The following DLGAP2 variants were observed in gnomAD, a reference collection of about 807,000 sequenced individuals.
DLGAP2 encodes the protein disks large-associated protein 2.
A neutral mutation model predicts 100.3 loss-of-function variants in DLGAP2; 26 were observed. The ratio of observed to expected loss-of-function variants is 0.26; its 90% confidence interval spans 0.19 to 0.36. The LOEUF is 0.36. Among genes scored for constraint, DLGAP2 ranks in the 10% least tolerant of loss-of-function variants. The probability of loss-of-function intolerance (pLI) is 1.00; values close to 1 mark genes in which losing one functional copy is unlikely to be tolerated. For missense variants in DLGAP2, 1,858 were observed against 1,453.2 expected, an observed-to-expected ratio of 1.28 and a Z score of -4.53; for synonymous variants, 886 against 630.1, an observed-to-expected ratio of 1.41 and a Z score of -6.08.
At chr8:1,381,543 A>G (rs2129766864) in intron 3 of DLGAP2, 1 of 152,338 alleles carries the variant, frequency 6.6e-6, no homozygotes, top group Non-Finnish European at 1.5e-5. Context: ...CCATCCTGTG[A>G]CTTGAATTTA....
chr8:800,756 G>T (rs1796134920), intron 1 of DLGAP2, among the ~76,000 whole-genome samples: 1 of 152,172 alleles, frequency 6.6e-6, no homozygotes, highest in South Asian at 2.1e-4. Context: ...ATGTGTGCAT[G>T]TGTGTGTCTG....
At chr8:938,346 G>A (rs903949478) in intron 2 of DLGAP2, among the ~76,000 whole-genome samples, 3 of 152,110 alleles carry the variant, frequency 2.0e-5, no homozygotes, top group South Asian at 2.1e-4. Context: ...ACAGGTATGC[G>A]CCACCATGCC....
chr8:1,328,275 C>A (rs139737511), intron 3 of DLGAP2, among the ~76,000 whole-genome samples: 2 of 151,802 alleles, frequency 1.3e-5, no homozygotes, highest in African/African-American at 2.4e-5. Context: ...CTCCTGACCT[C>A]GTGATCCACC....
intron 1 of DLGAP2, among the ~76,000 whole-genome samples, chr8:857,925 C>T (rs1053077359): frequency 4.0e-5 from 6 of 151,400 alleles, no homozygotes; most frequent in African/African-American, 1.5e-4. Flanking sequence ...GGCTGGAGTG[C>T]AGTGGTGTGA....
intron 2 of DLGAP2, among the ~76,000 whole-genome samples, chr8:1,031,708 A>G (rs57163777): frequency 0.22 from 32,813 of 152,246 alleles, 4,309 homozygotes; most frequent in Admixed American, 0.29. Context: ...AAAAAAAATA[A>G]TGACCCCTTT....
intron 3 of DLGAP2, among the ~76,000 whole-genome samples, chr8:1,357,330 T>G (rs570112855): frequency 3.6e-4 from 55 of 151,844 alleles, no homozygotes; most frequent in African/African-American, 1.3e-3. Context: ...ATGGCCAGAC[T>G]CATCACACTG....
chr8:1,118,305 A>T lies in DLGAP2; in HGVS notation c.74-140546A>T, dbSNP rs183696795. Among the ~76,000 whole-genome samples, 365 of 152,260 alleles carry T rather than the reference A, an allele frequency of 2.4e-3. 2 individuals carry two copies. The highest frequency in any genetic ancestry group is 8.4e-3 in the African/African-American group (349 of 41,552). On this transcript the variant is annotated intron_variant, in intron 2 of 14. Transcript: ENST00000637795. ...CTGATTCCAGCATCTGCAGCTCTTGACCCCGTAGTGTGTGAGCAGAGACTG... is the reference window on the plus strand; with the variant it reads ...CTGATTCCAGCATCTGCAGCTCTTGTCCCCGTAGTGTGTGAGCAGAGACTG...
chr8:866,200 C>T (rs1004351626), intron 1 of DLGAP2, among the ~76,000 whole-genome samples: 9 of 152,162 alleles, frequency 5.9e-5, no homozygotes, highest in African/African-American at 9.6e-5. Context: ...CCTGACACCC[C>T]GCGCCTGGCC....
chr8:1,408,146 C>G (rs1274266306), intron 3 of DLGAP2, among the ~76,000 whole-genome samples: 3 of 152,246 alleles, frequency 2.0e-5, no homozygotes, highest in African/African-American at 7.2e-5. Context: ...CTGGCTCACT[C>G]TTTCTTTCCA....
At chr8:1,528,114 C>T (rs552998391) in intron 4 of DLGAP2, among the ~76,000 whole-genome samples, 70 of 152,348 alleles carry the variant, frequency 4.6e-4, no homozygotes, top group African/African-American at 1.5e-3. Context: ...GACTGCTGTG[C>T]GGTCCAGGCC....
At chr8:772,981 G>C (rs1249636572) in intron 1 of DLGAP2, among the ~76,000 whole-genome samples, 1 of 152,200 alleles carries the variant, frequency 6.6e-6, no homozygotes. Context: ...GGACCTTCCA[G>C]ATTGTTCTCT....
intron 1 of DLGAP2, among the ~76,000 whole-genome samples, chr8:856,409 A>G (rs1348046783): frequency 6.6e-6 from 1 of 152,058 alleles, no homozygotes; most frequent in Non-Finnish European, 1.5e-5. Flanking sequence ...GCTGATCTCA[A>G]ACTGCTGACC....
At chr8:1,112,243 T>TA in intron 2 of DLGAP2, among the ~76,000 whole-genome samples, 1 of 145,744 alleles carries the variant, frequency 6.9e-6, no homozygotes, top group East Asian at 2.0e-4. Flanking sequence ...GCCCATTTTT[T>TA]TTTTTTTTTT....
rs1326730328 is a variant in DLGAP2 at position 1,449,877 on chromosome 8, T to C, written c.107-51489T>C. ...GAGGGTGAAGACGAGGTGGGCGGCC[T>C]CGGTGGCTGAGGCGGAGCTGTGAGG... On this transcript the variant is annotated intron_variant, in intron 3 of 14. Coordinates refer to ENST00000637795, the MANE Select transcript of DLGAP2 (RefSeq NM_001346810.2). 8.8e-5 allele frequency among the ~76,000 whole-genome samples: 12 copies of C among 136,212 alleles called. No individual in the cohort carries two copies. The South Asian group carries it at 9.6e-4, about 11-fold the overall frequency. The allele number at this position is 136,212 out of a possible 152,430, so 89.4% of individuals were successfully genotyped here. A position where few individuals can be genotyped will look rare whatever the true frequency, so the allele number is the denominator to read the frequency against.
intron 5 of DLGAP2, among the ~76,000 whole-genome samples, chr8:1,557,229 C>A (rs536064462): frequency 6.6e-6 from 1 of 152,130 alleles, no homozygotes; most frequent in Non-Finnish European, 1.5e-5. Flanking sequence ...ATCCAAAGAG[C>A]GTGAGCTTTA....
intron 1 of DLGAP2, among the ~76,000 whole-genome samples, chr8:764,742 C>G (rs1423278367): frequency 2.0e-5 from 3 of 152,210 alleles, no homozygotes; most frequent in Non-Finnish European, 4.4e-5. Context: ...GTGCCGTCTT[C>G]TAAGCTGTTG....
At chr8:1,417,921 C>T (rs892142166) in intron 3 of DLGAP2, among the ~76,000 whole-genome samples, 9 of 152,040 alleles carry the variant, frequency 5.9e-5, no homozygotes, top group African/African-American at 1.5e-4. Flanking sequence ...TAAAATATTA[C>T]ATTTTCAAAA....
chr8:954,088 C>T (rs529473602), intron 2 of DLGAP2, among the ~76,000 whole-genome samples: 3 of 152,116 alleles, frequency 2.0e-5, no homozygotes, highest in Admixed American at 6.5e-5. Context: ...GTAGTTTTGA[C>T]GTCTTGAACC....
chr8:1,095,398 G>T (rs1031300481), intron 2 of DLGAP2, among the ~76,000 whole-genome samples: 1 of 152,130 alleles, frequency 6.6e-6, no homozygotes, highest in Non-Finnish European at 1.5e-5. Flanking sequence ...GCTCACCCTC[G>T]CCCGGGGTTC....
Sources: gnomAD v4.1 joint callset for allele counts (sites outside exome capture counted in the v4.1 genomes callset) on GRCh38, gnomAD v4.1.1 for gene constraint, MANE v1.5 for transcripts, NCBI Gene and HGNC (gene_info 2026-07-23, HGNC 2026-07-21) for gene names.